HPSE2: variants seen among roughly 807,000 people sequenced by gnomAD.
HPSE2 encodes heparanase 2 (inactive).
In HPSE2, 38 loss-of-function variants were observed where a neutral mutation model predicts 60.5. The ratio of observed to expected loss-of-function variants is 0.63; its 90% CI spans 0.48 to 0.82. HPSE2 has a LOEUF of 0.82. HPSE2 is among the 40% of genes least tolerant of loss of function. The probability of loss-of-function intolerance (pLI) is 0.00; values close to 1 mark genes in which losing one functional copy is unlikely to be tolerated. For missense variants in HPSE2, 713 were observed against 740.4 expected, an observed-to-expected ratio of 0.96 and a Z score of 0.43; for synonymous variants, 295 against 293.2, an observed-to-expected ratio of 1.01 and a Z score of -0.06.
chr10:99,023,118 G>T lies in HPSE2; in HGVS notation c.610+121120C>A, dbSNP rs988278557. 9.2e-5 allele frequency among the ~76,000 whole-genome samples: 14 copies of T among 152,166 alleles called. No homozygotes were observed. The South Asian group carries it at 1.0e-3, about 11-fold the overall frequency. On this transcript the variant is annotated intron_variant, in intron 3 of 11. Transcript: ENST00000370552. Reference sequence around the variant, plus strand: ...GCCTTAGGCTAGAGGAGAAACTAATGCCCTGAAGGGTGAGTCCTGGGCCAG... The same window carrying T: ...GCCTTAGGCTAGAGGAGAAACTAATTCCCTGAAGGGTGAGTCCTGGGCCAG...
At chr10:99,007,036 T>C (rs971514451) in intron 3 of HPSE2, among the ~76,000 whole-genome samples, 1 of 151,956 alleles carries the variant, frequency 6.6e-6, no homozygotes, top group African/African-American at 2.4e-5. Flanking sequence ...ACCAGGGCTT[T>C]AGAGGCCAAT....
At chr10:99,153,109 G>A (rs545546513) in intron 2 of HPSE2, among the ~76,000 whole-genome samples, 31 of 152,310 alleles carry the variant, frequency 2.0e-4, no homozygotes, top group Middle Eastern at 3.4e-3. Context: ...CTACGCCCAC[G>A]GAGTCTCGCT....
At chr10:98,946,499 A>G (rs948331044) in intron 3 of HPSE2, among the ~76,000 whole-genome samples, 26 of 151,952 alleles carry the variant, frequency 1.7e-4, no homozygotes, top group African/African-American at 6.3e-4. Flanking sequence ...CAGAAAAGAA[A>G]TAAAACCCAT....
intron 2 of HPSE2, among the ~76,000 whole-genome samples, chr10:99,196,221 A>T (rs1848392583): frequency 6.6e-6 from 1 of 152,088 alleles, no homozygotes; most frequent in Non-Finnish European, 1.5e-5. Flanking sequence ...ATGGATTAAA[A>T]ACTTAAATCT....
At chr10:98,533,795 A>G (rs1310182503) in intron 9 of HPSE2, among the ~76,000 whole-genome samples, 2 of 152,224 alleles carry the variant, frequency 1.3e-5, no homozygotes, top group African/African-American at 2.4e-5. Flanking sequence ...AATGAAAGCC[A>G]ACGTGAGAAC....
At chr10:99,138,280 T>A (rs1300881368) in intron 3 of HPSE2, among the ~76,000 whole-genome samples, 1 of 152,190 alleles carries the variant, frequency 6.6e-6, no homozygotes, top group African/African-American at 2.4e-5. Context: ...GGAATGCTTT[T>A]ACACTGTTGG....
intron 5 of HPSE2, among the ~76,000 whole-genome samples, chr10:98,717,740 T>G (rs973725868): frequency 6.6e-6 from 1 of 151,940 alleles, no homozygotes. Context: ...ATAATAGATA[T>G]AATAATAATG....
chr10:98,480,353 G>C (rs901831955), intron 11 of HPSE2, among the ~76,000 whole-genome samples: 2 of 151,956 alleles, frequency 1.3e-5, no homozygotes, highest in Admixed American at 6.6e-5. Flanking sequence ...CAAAGTGTTG[G>C]GATTACAGAT....
intron 3 of HPSE2, among the ~76,000 whole-genome samples, chr10:98,957,118 A>G (rs942559332): frequency 6.6e-6 from 1 of 152,180 alleles, no homozygotes; most frequent in African/African-American, 2.4e-5. Flanking sequence ...TGTAGCATAG[A>G]TAATTCCCCC....
chr10:98,666,032 A>G (rs141077018), intron 6 of HPSE2, among the ~76,000 whole-genome samples: 105 of 152,334 alleles, frequency 6.9e-4, no homozygotes, highest in African/African-American at 2.3e-3. Flanking sequence ...GCTGTCTTCA[A>G]GAAACCAATC....
intron 9 of HPSE2, among the ~76,000 whole-genome samples, chr10:98,499,585 A>G (rs1941962816): frequency 6.6e-6 from 1 of 152,182 alleles, no homozygotes; most frequent in Admixed American, 6.5e-5. Context: ...TATAAAACAA[A>G]AATACAAGTT....
chr10:99,151,204 C>G (rs1846249324), intron 2 of HPSE2, among the ~76,000 whole-genome samples: 1 of 150,724 alleles, frequency 6.6e-6, no homozygotes, highest in African/African-American at 2.4e-5. Context: ...TATAACCTAT[C>G]TAAAATGGCC....
intron 3 of HPSE2, among the ~76,000 whole-genome samples, chr10:99,086,223 T>G (rs1001656746): frequency 6.6e-6 from 1 of 151,862 alleles, no homozygotes; most frequent in Non-Finnish European, 1.5e-5. Flanking sequence ...ATGCTAGCCC[T>G]CAAACTAACA....
chr10:98,986,168 C>T (rs1344130663), intron 3 of HPSE2, among the ~76,000 whole-genome samples: 1 of 152,162 alleles, frequency 6.6e-6, no homozygotes, highest in African/African-American at 2.4e-5. Context: ...GAACTCTGCA[C>T]CCCAAATCAA....
Position 98,496,742 on chromosome 10 carries a change from T to C in HPSE2, c.1321-6546A>G, listed in dbSNP as rs77608612. On this transcript the variant is annotated intron_variant, in intron 9 of 11. Transcript: ENST00000370552. ...TCTGAGTGAAGAGACAGATTCATGA[T>C]GCTTCCTATTCTACCATCTTTCCAG... 4.0e-3 allele frequency among the ~76,000 whole-genome samples: 605 copies of C among 152,352 alleles called. 3 individuals are homozygous for C. The highest frequency in any genetic ancestry group is 0.017 in the Middle Eastern group (5 of 294).
At chr10:98,919,180 G>A (rs1422877647) in intron 3 of HPSE2, among the ~76,000 whole-genome samples, 2 of 152,194 alleles carry the variant, frequency 1.3e-5, no homozygotes, top group African/African-American at 4.8e-5. Flanking sequence ...GTAGCAGTGT[G>A]TAAAGTGAAC....
chr10:99,168,238 G>GTTT (rs1847166248), intron 2 of HPSE2, among the ~76,000 whole-genome samples: 1 of 151,942 alleles, frequency 6.6e-6, no homozygotes, highest in South Asian at 2.1e-4. Flanking sequence ...AGGTCTTCAT[G>GTTT]TTTTTCAATA....
chr10:99,044,761 G>A (rs1031255870), intron 3 of HPSE2, among the ~76,000 whole-genome samples: 1 of 151,986 alleles, frequency 6.6e-6, no homozygotes, highest in Middle Eastern at 3.2e-3. Flanking sequence ...AAAATAACAA[G>A]GGCAAAGAAG....
At chr10:99,076,343 TTTTA>T (rs1234685718) in intron 3 of HPSE2, among the ~76,000 whole-genome samples, 2 of 152,156 alleles carry the variant, frequency 1.3e-5, no homozygotes, top group Non-Finnish European at 2.9e-5. Flanking sequence ...CTTTACATCT[TTTTA>T]TTTTGTGTAT....
Sources: allele counts gnomAD v4.1 joint callset (sites outside exome capture counted in the v4.1 genomes callset), GRCh38; gene constraint gnomAD v4.1.1; transcripts MANE v1.5; gene names NCBI Gene and HGNC (gene_info 2026-07-23, HGNC 2026-07-21).